SMARCA2: variants seen among roughly 807,000 people sequenced by gnomAD.
SMARCA2 encodes SWI/SNF related BAF chromatin remodeling complex subunit ATPase 2.
A neutral mutation model predicts 199.8 loss-of-function variants in SMARCA2; 61 were observed. The ratio of observed to expected loss-of-function variants is 0.31; its 90% CI spans 0.25 to 0.38. SMARCA2 has a LOEUF of 0.38. Ranked by LOEUF, SMARCA2 falls within the 10% of genes least tolerant of loss-of-function variation. The pLI, the probability that SMARCA2 is intolerant of heterozygous loss-of-function variation, is 1.00. For missense variants in SMARCA2, 1,344 were observed against 2,012.2 expected (o/e 0.67, Z 6.35); for synonymous variants, 935 against 732.0 (o/e 1.28, Z -4.48).
chr9:2,129,107 G>C (rs6475514), intron 27 of SMARCA2, among the ~76,000 whole-genome samples: 43,988 of 151,982 alleles, frequency 0.29, 11,617 homozygotes, highest in African/African-American at 0.7. Flanking sequence ...GATTCGGATT[G>C]ATTATGAAGT....
intron 1 of SMARCA2, among the ~76,000 whole-genome samples, chr9:2,019,645 A>C (rs755398129): frequency 1.1e-4 from 16 of 152,204 alleles, no homozygotes; most frequent in Non-Finnish European, 2.1e-4. Context: ...TTTAAGATAA[A>C]TCATTCTACA....
chr9:2,055,748 A>G (rs906841405), intron 6 of SMARCA2: 2 of 152,206 alleles, frequency 1.3e-5, no homozygotes, highest in African/African-American at 4.8e-5. Context: ...AAGAAAAGGG[A>G]AAATTCTCTG....
In SMARCA2 at chr9:2,170,800, T is replaced by C. The variant is rs560955686; in HGVS notation, c.4253+328T>C. Among the ~76,000 whole-genome samples the C allele has an allele frequency of 9.2e-4, 140 of 152,334 alleles. 2 individuals are homozygous for C. Among genetic ancestry groups the C allele is most frequent in the Non-Finnish European group, 1.2e-3 (79 of 68,038 alleles). ...TCCCCCTCCCTTCCAGCGCAGCTTCTGTTGTGTGTTCCTTGGGCCTCTTTA... is the reference window on the plus strand; with the variant it reads ...TCCCCCTCCCTTCCAGCGCAGCTTCCGTTGTGTGTTCCTTGGGCCTCTTTA... On this transcript the variant is annotated intron_variant, in intron 29 of 33. Coordinates refer to ENST00000349721, the MANE Select transcript of SMARCA2 (RefSeq NM_003070.5). This position sits in a 1 kb window ranked among gnomAD's most constrained non-coding sequence, Gnocchi z 4.7.
intron 2 of SMARCA2, among the ~76,000 whole-genome samples, chr9:2,030,541 C>CT (rs567112493): frequency 0.11 from 15,089 of 133,364 alleles, 972 homozygotes; most frequent in East Asian, 0.26. Flanking sequence ...TTTCCTCTAG[C>CT]TTTTTTTTTT....
intron 32 of SMARCA2, among the ~76,000 whole-genome samples, chr9:2,190,331 GT>G (rs35317122): frequency 0.24 from 36,501 of 152,074 alleles, 6,406 homozygotes; most frequent in African/African-American, 0.48. Context: ...CAGCAGCTTT[GT>G]TTATACTAGC....
At chr9:2,079,130 C>G (rs565510390) in intron 14 of SMARCA2, among the ~76,000 whole-genome samples, 6 of 152,106 alleles carry the variant, frequency 3.9e-5, no homozygotes, top group Non-Finnish European at 8.8e-5. Flanking sequence ...CAACCAGATA[C>G]GGTCACTCTG....
chr9:2,117,855 G>C (rs920552819), intron 25 of SMARCA2, among the ~76,000 whole-genome samples: 5 of 152,146 alleles, frequency 3.3e-5, no homozygotes, highest in Admixed American at 6.5e-5. Flanking sequence ...CCGTTTTCAG[G>C]GGGGCTTGTG....
At chr9:2,177,445 T>C (rs1273676469) in intron 29 of SMARCA2, among the ~76,000 whole-genome samples, 2 of 152,212 alleles carry the variant, frequency 1.3e-5, no homozygotes, top group Non-Finnish European at 1.5e-5. Flanking sequence ...ACAGATCAGC[T>C]TGAGCAGGTA....
chr9:2,149,230 AC>A (rs923110737), intron 27 of SMARCA2, among the ~76,000 whole-genome samples: 2 of 150,962 alleles, frequency 1.3e-5, no homozygotes, highest in African/African-American at 4.9e-5. Context: ...AAAAGTGGAA[AC>A]CCCTGGCTGG....
At chr9:2,175,127 G>A (rs867633523) in intron 29 of SMARCA2, among the ~76,000 whole-genome samples, 35 of 152,108 alleles carry the variant, frequency 2.3e-4, no homozygotes, top group Middle Eastern at 3.4e-3. Flanking sequence ...GGGTCATCCG[G>A]TGTCTGTCTG....
chr9:2,032,775 C>T (rs1232211927), intron 2 of SMARCA2, 177 bp from the exon 3 acceptor site: 1 of 509,614 alleles, frequency 2.0e-6, no homozygotes, highest in Non-Finnish European at 3.4e-6. Context: ...AAAGACTTAA[C>T]ATTTGACTTA....
intron 27 of SMARCA2, among the ~76,000 whole-genome samples, chr9:2,132,071 TG>T: frequency 6.6e-6 from 1 of 152,344 alleles, no homozygotes; most frequent in Non-Finnish European, 1.5e-5. Context: ...ATAAGCTCTC[TG>T]AGTTGGCCTC....
chr9:2,032,896 A>G, intron 2 of SMARCA2, 56 bp from the exon 3 acceptor site: 1 of 1,542,320 alleles, frequency 6.5e-7, no homozygotes, highest in Admixed American at 1.8e-5. Context: ...GAAAACTCCA[A>G]ATAGAAATAT....
intron 27 of SMARCA2, among the ~76,000 whole-genome samples, chr9:2,151,885 C>A (rs987204250): frequency 1.2e-4 from 18 of 152,010 alleles, no homozygotes; most frequent in African/African-American, 4.1e-4. Context: ...GAGTATTTTA[C>A]TTTAGTTGGA....
chr9:2,146,488 C>T (rs959815093), intron 27 of SMARCA2, among the ~76,000 whole-genome samples: 1 of 152,114 alleles, frequency 6.6e-6, no homozygotes, highest in Non-Finnish European at 1.5e-5. Context: ...GGTATTGTGG[C>T]TTTGTGGTCA....
intron 28 of SMARCA2, among the ~76,000 whole-genome samples, chr9:2,168,156 C>T (rs1032802633): frequency 2.0e-5 from 3 of 151,476 alleles, no homozygotes; most frequent in African/African-American, 7.3e-5. Context: ...GGATTATGGG[C>T]GTGCACCACG....
intron 28 of SMARCA2, among the ~76,000 whole-genome samples, chr9:2,166,949 G>A (rs1336215413): frequency 6.6e-6 from 1 of 152,194 alleles, no homozygotes; most frequent in Non-Finnish European, 1.5e-5. Context: ...CTTTTTCTAA[G>A]AGACCTCCTG....
intron 24 of SMARCA2, among the ~76,000 whole-genome samples, chr9:2,113,335 G>GT (rs1823085342): frequency 1.3e-5 from 2 of 152,110 alleles, no homozygotes; most frequent in South Asian, 4.1e-4. Flanking sequence ...TGGTACTCGT[G>GT]TTTTTTACCC....
intron 5 of SMARCA2, among the ~76,000 whole-genome samples, chr9:2,051,183 C>T (rs970185127): frequency 1.3e-5 from 2 of 152,200 alleles, no homozygotes; most frequent in African/African-American, 4.8e-5. Context: ...AGAAGCCCCT[C>T]CTGTACCTTT....
Sources: allele counts gnomAD v4.1 joint callset (sites outside exome capture counted in the v4.1 genomes callset), GRCh38; gene constraint gnomAD v4.1.1; non-coding constraint Gnocchi (gnomAD v3.1); transcripts MANE v1.5; gene names NCBI Gene and HGNC (gene_info 2026-07-23, HGNC 2026-07-21).